The following BACE1 variants were observed in gnomAD, a reference collection of about 807,000 sequenced individuals.
BACE1 encodes beta-secretase 1.
Under a neutral mutation model 54.0 loss-of-function variants are expected in BACE1, and 21 were observed. That is an observed-to-expected ratio of 0.39 (90% confidence interval 0.28 to 0.56). The LOEUF (loss-of-function observed/expected upper bound fraction) is 0.56, where lower values mean the gene tolerates loss of function less well. BACE1 is among the 20% of genes least tolerant of loss of function. The pLI is 0.63. For missense variants in BACE1, 511 were observed against 661.2 expected (o/e 0.77, Z 2.49); for synonymous variants, 232 against 260.9 (o/e 0.89, Z 1.07).
intron 2 of BACE1, chr11:117,295,711 G>GAA (rs1197503706): frequency 1.4e-6 from 2 of 1,473,330 alleles, no homozygotes; most frequent in Non-Finnish European, 1.8e-6. Flanking sequence ...AGCTCCCCGA[G>GAA]AAAAGGAACC....
intron 6 of BACE1, 38 bp from the exon 7 acceptor site, chr11:117,291,087 C>G (rs1240814567): frequency 1.2e-6 from 2 of 1,605,786 alleles, no homozygotes; most frequent in African/African-American, 2.7e-5. Context: ...GAGGAAAAGC[C>G]TCTTTATCAT....
At chr11:117,313,089 A>C (rs535654834) in intron 1 of BACE1, among the ~76,000 whole-genome samples, 1 of 152,158 alleles carries the variant, frequency 6.6e-6, no homozygotes, top group African/African-American at 2.4e-5. Flanking sequence ...ATGCCATCCA[A>C]GTTCTCATTT....
At position 117,293,822 on chromosome 11, in the gene BACE1, C is replaced by G. The variant is rs1474062498; in HGVS notation, c.705+49G>C. On this transcript the variant is annotated intron_variant, in intron 4 of 8. Coordinates refer to ENST00000313005, the MANE Select transcript of BACE1 (RefSeq NM_012104.6). This position sits in a 1 kb window ranked among gnomAD's most constrained non-coding sequence, Gnocchi z 4.1. ...TTTCAGGAAGGGGAGAGGATGGCAC[C>G]CATCTCTCCCTCAATGCCAGGACCT... 3.2e-6 allele frequency: 5 copies of G among 1,563,016 alleles called. No individual in the cohort carries two copies.
At chr11:117,310,058 A>C (rs1374298320) in intron 1 of BACE1, among the ~76,000 whole-genome samples, 1 of 151,870 alleles carries the variant, frequency 6.6e-6, no homozygotes, top group African/African-American at 2.4e-5. Flanking sequence ...ACAGGCATGC[A>C]GCACCACACC....
chr11:117,295,258 C>A lies in BACE1; in HGVS notation c.440G>T (p.Ser147Ile). Reference protein sequence around the residue: ...WEGELGTDLVSIPHGPNVTVR... With the variant: ...WEGELGTDLVIIPHGPNVTVR... ...AGTGACGTTGGGGCCATGGGGGATG[C>A]TTACCAGGTCGGTGCCCAGCTCCCC... is the stretch of plus-strand genomic sequence containing the variant. The change falls in exon 3 of 9, where the codon AGC (serine) becomes ATC (isoleucine). Residue 147 changes from serine to isoleucine, a missense_variant. Ser to Ile is a moderately radical substitution (Grantham distance 142). Around this residue, in one of 2 missense-constraint regions of BACE1, gnomAD observed 407 missense variants for 565.7 expected, o/e 0.72. Coordinates refer to ENST00000313005, the MANE Select transcript of BACE1 (RefSeq NM_012104.6). 1 of 1,614,226 alleles carries A rather than the reference C, an allele frequency of 6.2e-7. No homozygotes were observed.
chr11:117,292,920 C>G (rs2034486904), intron 5 of BACE1, 134 bp downstream of exon 5: 7 of 1,108,342 alleles, frequency 6.3e-6, no homozygotes, highest in South Asian at 3.1e-5. Context: ...CCTGACTGTT[C>G]TAGGCTCAAC....
chr11:117,294,051 A>C, intron 3 of BACE1, 43 bp from the exon 4 acceptor site: 1 of 1,592,080 alleles, frequency 6.3e-7, no homozygotes, highest in African/African-American at 1.3e-5. Flanking sequence ...ATACGGCCCT[A>C]AAGGCAGAGG....
chr11:117,302,542 C>T (rs1310913855), intron 1 of BACE1, among the ~76,000 whole-genome samples: 1 of 152,134 alleles, frequency 6.6e-6, no homozygotes, highest in African/African-American at 2.4e-5. Flanking sequence ...GCCATCTGAG[C>T]TCAAGGGACT....
intron 1 of BACE1, among the ~76,000 whole-genome samples, chr11:117,306,142 G>A (rs946139414): frequency 1.3e-5 from 2 of 152,222 alleles, no homozygotes; most frequent in African/African-American, 4.8e-5. Flanking sequence ...AGACAGAGGT[G>A]TTCTGTTTGA....
At chr11:117,311,510 G>C (rs542106401) in intron 1 of BACE1, among the ~76,000 whole-genome samples, 13 of 152,096 alleles carry the variant, frequency 8.5e-5, no homozygotes, top group Admixed American at 2.6e-4. Context: ...GCCCTGGCAC[G>C]TTCTCTGCAT....
chr11:117,303,400 G>C (rs2034766232), intron 1 of BACE1, among the ~76,000 whole-genome samples: 1 of 152,204 alleles, frequency 6.6e-6, no homozygotes, highest in Non-Finnish European at 1.5e-5. Flanking sequence ...GCCCCACAGG[G>C]AAAGGCACAC....
At chr11:117,290,185 G>C (rs1173684184) in intron 8 of BACE1, among the ~76,000 whole-genome samples, 1 of 152,188 alleles carries the variant, frequency 6.6e-6, no homozygotes, top group Non-Finnish European at 1.5e-5. Flanking sequence ...CCATGTGGCA[G>C]CTGACAGGGT....
chr11:117,316,173 G>A lies in BACE1; in HGVS notation c.-378C>T, dbSNP rs1200639759. The A allele has an allele frequency of 2.5e-6, 1 of 400,460 alleles. No homozygotes were observed. Among genetic ancestry groups the A allele is most frequent in the East Asian group, 3.6e-5 (1 of 28,066 alleles). 24.8% of individuals were successfully genotyped at this position (400,460 alleles called of 1,614,324 possible). On this transcript the variant is annotated 5_prime_UTR_variant, in exon 1 of 9. Coordinates refer to ENST00000313005, the MANE Select transcript of BACE1 (RefSeq NM_012104.6). ...GCAGGGGCAAGGGCTCCGGGCTCCT[G>A]CGGCTGCGTTGGCTGCTCAGGCCAC... is the stretch of plus-strand genomic sequence containing the variant.
chr11:117,303,901 G>A (rs2034776395), intron 1 of BACE1, among the ~76,000 whole-genome samples: 1 of 152,192 alleles, frequency 6.6e-6, no homozygotes, highest in African/African-American at 2.4e-5. Context: ...CCTAGAGTGA[G>A]TAAGCAACTT....
At chr11:117,301,043 C>T (rs964202087) in intron 1 of BACE1, among the ~76,000 whole-genome samples, 1 of 152,154 alleles carries the variant, frequency 6.6e-6, no homozygotes, top group Non-Finnish European at 1.5e-5. Flanking sequence ...ATAAAACAGC[C>T]CTTACTACAG....
chr11:117,290,514 A>G lies in BACE1; in HGVS notation c.1238T>C (p.Ile413Thr), dbSNP rs776132225. Reference sequence around the variant, plus strand: ...ATGGCAAGCGCTGACAGCAAAGCCAATTCGTTTTCGGGCCCGATCAAAGAC... The same window carrying G: ...ATGGCAAGCGCTGACAGCAAAGCCAGTTCGTTTTCGGGCCCGATCAAAGAC... ...YVVFDRARKR[I>T]GFAVSACHVH... The change falls in exon 8 of 9, where the codon ATT becomes ACT. Residue 413 changes from isoleucine to threonine, a missense_variant. Transcript: ENST00000313005. The G allele has an allele frequency of 3.1e-6, 5 of 1,614,086 alleles. No homozygotes were observed. The highest frequency in any genetic ancestry group is 2.2e-5 in the South Asian group (2 of 91,092).
At chr11:117,294,103 G>A in intron 3 of BACE1, 95 bp from the exon 4 acceptor site, 1 of 1,431,622 alleles carries the variant, frequency 7.0e-7, no homozygotes, top group Non-Finnish European at 9.5e-7. Flanking sequence ...TGAAGGCTTG[G>A]GGGATGCTCC....
chr11:117,305,809 A>G (rs2034820201), intron 1 of BACE1, among the ~76,000 whole-genome samples: 2 of 151,642 alleles, frequency 1.3e-5, no homozygotes, highest in South Asian at 4.2e-4. Context: ...GCCGAGGCGG[A>G]CGGATCACAA....
intron 1 of BACE1, among the ~76,000 whole-genome samples, chr11:117,301,068 A>G (rs1170358497): frequency 6.6e-6 from 1 of 152,056 alleles, no homozygotes; most frequent in Non-Finnish European, 1.5e-5. Flanking sequence ...CGGTGACTTC[A>G]TGTCACCAAA....
Sources: allele counts gnomAD v4.1 joint callset (sites outside exome capture counted in the v4.1 genomes callset), GRCh38; gene constraint gnomAD v4.1.1; regional missense constraint gnomAD v4.1.1; non-coding constraint Gnocchi (gnomAD v3.1); transcripts MANE v1.5; gene names NCBI Gene and HGNC (gene_info 2026-07-23, HGNC 2026-07-21).